PLEKHG4B: variants seen among roughly 807,000 people sequenced by gnomAD.
The protein encoded by PLEKHG4B is pleckstrin homology domain-containing family G member 4B.
PLEKHG4B carries 111 observed loss-of-function variants against 121.3 expected under a neutral mutation model. The observed-to-expected ratio is 0.92, with a 90% CI of 0.78 to 1.07. PLEKHG4B has a LOEUF of 1.07. Among genes scored for constraint, PLEKHG4B ranks in the 50% least tolerant of loss-of-function variants. PLEKHG4B has a pLI of 0.00. For missense variants in PLEKHG4B, 1,831 were observed against 1,757.8 expected, an observed-to-expected ratio of 1.04 and a Z score of -0.74; for synonymous variants, 738 against 725.0, an observed-to-expected ratio of 1.02 and a Z score of -0.29.
intron 12 of PLEKHG4B, 56 bp from the exon 13 acceptor site, chr5:162,665 TG>T: frequency 8.0e-7 from 1 of 1,249,758 alleles, no homozygotes; most frequent in East Asian, 2.9e-5. Context: ...GGGCCTGAGC[TG>T]GCTCCAGGGC....
intron 2 of PLEKHG4B, among the ~76,000 whole-genome samples, chr5:124,292 A>C: frequency 6.6e-6 from 1 of 152,220 alleles, no homozygotes; most frequent in East Asian, 1.9e-4. Flanking sequence ...TCATGTGTGC[A>C]CTTGAGAAGC....
Position 157,082 on chromosome 5 carries a change from AT to A in PLEKHG4B, c.2487+175del. On this transcript the variant is annotated intron_variant, in intron 11 of 19. Coordinates refer to ENST00000637938, the MANE Select transcript of PLEKHG4B (RefSeq NM_052909.5). The surrounding 1 kb of genome is among the most constrained non-coding windows in gnomAD (Gnocchi z 4.6). ...TTGCTGCTTGTGTAAAAAGAAATAA[AT>A]TTTATTTTTTACGTGAGAGATACTG... 1 of 1,036,310 alleles carries A rather than the reference AT, an allele frequency of 9.6e-7. No homozygotes were observed. The highest frequency in any genetic ancestry group is 2.1e-4 in the Middle Eastern group (1 of 4,856). The allele number at this position is 1,036,310 out of a possible 1,614,324, so 64.2% of individuals were successfully genotyped here. A position where few individuals can be genotyped will look rare whatever the true frequency, so the allele number is the denominator to read the frequency against.
chr5:127,378 T>TATTATA (rs1171009312), intron 2 of PLEKHG4B, among the ~76,000 whole-genome samples: 15 of 148,256 alleles, frequency 1.0e-4, no homozygotes, highest in South Asian at 4.2e-4. Context: ...TTATTATTAT[T>TATTATA]ATAGGCTGCC....
At chr5:175,895 C>T (rs1232247054) in intron 18 of PLEKHG4B, among the ~76,000 whole-genome samples, 1 of 51,906 alleles carries the variant, frequency 1.9e-5, no homozygotes. Flanking sequence ...GGCTGCACCC[C>T]GCCTGAGCCC....
intron 2 of PLEKHG4B, among the ~76,000 whole-genome samples, chr5:135,187 CAAAAA>C (rs35601775): frequency 6.2e-5 from 3 of 48,774 alleles, no homozygotes; most frequent in Non-Finnish European, 9.3e-5. Context: ...GACTCCAGCT[CAAAAA>C]AAAAAAAAAA....
intron 1 of PLEKHG4B, among the ~76,000 whole-genome samples, chr5:109,418 AAAATC>A (rs1397963675): frequency 2.7e-5 from 4 of 149,908 alleles, no homozygotes; most frequent in Non-Finnish European, 5.9e-5. Flanking sequence ...AAAAAAAAAA[AAAATC>A]CAGCCAGAGG....
intron 13 of PLEKHG4B, 74 bp from the exon 14 acceptor site, chr5:169,266 T>C (rs1200858354): frequency 3.8e-6 from 6 of 1,571,742 alleles, no homozygotes; most frequent in Non-Finnish European, 4.3e-6. Context: ...TGTGTTTCTG[T>C]CTCAGGCATG....
At chr5:133,021 GA>G (rs1201494480) in intron 2 of PLEKHG4B, among the ~76,000 whole-genome samples, 3 of 152,166 alleles carry the variant, frequency 2.0e-5, no homozygotes, top group Non-Finnish European at 4.4e-5. Flanking sequence ...ACCCATTCGT[GA>G]ACATGGGATG....
intron 18 of PLEKHG4B, among the ~76,000 whole-genome samples, chr5:180,047 G>A (rs1022431444): frequency 1.3e-5 from 2 of 152,118 alleles, no homozygotes; most frequent in African/African-American, 2.4e-5. Context: ...TTATCTCGTG[G>A]ATGTTTAATT....
Position 161,777 on chromosome 5 carries a change from G to A in PLEKHG4B, c.2488-6G>A, listed in dbSNP as rs189213633. The A allele has an allele frequency of 5.3e-5, 86 of 1,613,538 alleles. No individual in the cohort carries two copies. In the African/African-American group the frequency reaches 1.0e-3, roughly 19 times the overall value. On this transcript the variant is annotated splice_polypyrimidine_tract_variant and splice_region_variant and intron_variant, in intron 11 of 19. Transcript: ENST00000637938. The stretch of plus-strand genomic sequence containing the variant: ...CTTGTACTGATGCTTTGTTCCTTGG[G>A]TACAGCAATCCTGCCAGAAAGGACT...
chr5:162,899 C>A lies in PLEKHG4B; in HGVS notation c.2827C>A (p.Leu943Met). 6.5e-7 allele frequency: 1 copy of A among 1,534,154 alleles called. No individual in the cohort carries two copies. Among genetic ancestry groups the A allele is most frequent in the Non-Finnish European group, 8.8e-7 (1 of 1,139,830 alleles). Residue 943 changes from leucine to methionine, a missense_variant, in exon 13 of 20, where the codon CTG becomes ATG. Physicochemically the swap from Leu to Met is conservative, Grantham distance 15. Coordinates refer to ENST00000637938, the MANE Select transcript of PLEKHG4B (RefSeq NM_052909.5). The stretch of plus-strand genomic sequence containing the variant: ...GAAACCGTGGGCATCACAGCAAGAC[C>A]TGTGGCTGCAGTACCCCCAGACCCG... ...LGKPWASQQD[L>M]WLQYPQTRLR...
chr5:125,627 C>A (rs921717895), intron 2 of PLEKHG4B, among the ~76,000 whole-genome samples: 1 of 152,056 alleles, frequency 6.6e-6, no homozygotes, highest in African/African-American at 2.4e-5. Flanking sequence ...ATGTAGAAAA[C>A]AAAAAGGCAG....
Position 147,993 on chromosome 5 carries a change from T to C in PLEKHG4B, c.1905+3073T>C, listed in dbSNP as rs577535139. ...GGGGAAAAACACATGATCATCTCAA[T>C]TGATGCCAAAAAAAAAGCATTTGAC... On this transcript the variant is annotated intron_variant, in intron 6 of 19. Coordinates refer to ENST00000637938, the MANE Select transcript of PLEKHG4B (RefSeq NM_052909.5). 3.0e-3 allele frequency among the ~76,000 whole-genome samples: 452 copies of C among 152,146 alleles called. 2 individuals carry two copies. The highest frequency in any genetic ancestry group is 5.8e-3 in the Non-Finnish European group (391 of 67,984).
In PLEKHG4B at chr5:171,407, A is replaced by G. The variant is rs368490985; in HGVS notation, c.4013A>G (p.Asn1338Ser). The change falls in exon 16 of 20, where the codon AAT (asparagine) becomes AGT (serine). Residue 1338 changes from asparagine to serine, a missense_variant. By Grantham distance (46) the Asn-to-Ser change is conservative. Coordinates refer to ENST00000637938, the MANE Select transcript of PLEKHG4B (RefSeq NM_052909.5). ...GTCTGCTTCCAGCTGCGTCACGGCAATGACCTGCTGGCCATGGACGCCATC... is the reference window on the plus strand; with the variant it reads ...GTCTGCTTCCAGCTGCGTCACGGCAGTGACCTGCTGGCCATGGACGCCATC... Reference protein sequence around the residue: ...VVVCFQLRHGNDLLAMDAIRG... With the variant: ...VVVCFQLRHGSDLLAMDAIRG... 92 of 1,606,318 alleles carry G rather than the reference A, an allele frequency of 5.7e-5. No homozygotes were observed. The highest frequency in any genetic ancestry group is 1.2e-4 in the Admixed American group (7 of 59,944).
chr5:180,244 C>T (rs1369573884), intron 18 of PLEKHG4B, among the ~76,000 whole-genome samples: 2 of 152,134 alleles, frequency 1.3e-5, no homozygotes, highest in Non-Finnish European at 2.9e-5. Context: ...GAATGCACTC[C>T]GGGGAGGGAC....
At chr5:154,391 C>T (rs1263791818) in intron 7 of PLEKHG4B, among the ~76,000 whole-genome samples, 1 of 152,190 alleles carries the variant, frequency 6.6e-6, no homozygotes, top group African/African-American at 2.4e-5. Context: ...CAGCCACTCC[C>T]ACACGCGGGC....
intron 1 of PLEKHG4B, among the ~76,000 whole-genome samples, chr5:95,726 C>T (rs1344217060): frequency 6.6e-6 from 1 of 152,184 alleles, no homozygotes; most frequent in Non-Finnish European, 1.5e-5. Flanking sequence ...AATGACCCTC[C>T]CCTCCAGTGT....
chr5:157,236 A>G lies in PLEKHG4B; in HGVS notation c.2487+325A>G, dbSNP rs1735814908. On this transcript the variant is annotated intron_variant, in intron 11 of 19. Coordinates refer to ENST00000637938, the MANE Select transcript of PLEKHG4B (RefSeq NM_052909.5). The surrounding 1 kb of genome is among the most constrained non-coding windows in gnomAD (Gnocchi z 4.6). ...TCTTCCGGACGCTTTCTCCATGTGC[A>G]TGCGTACACAGTGACTGAGAAGCCG... The G allele has an allele frequency of 2.7e-6, 1 of 373,042 alleles. No individual in the cohort carries two copies. The highest frequency in any genetic ancestry group is 2.2e-5 in the South Asian group (1 of 45,698). The allele number at this position is 373,042 out of a possible 1,614,324, so 23.1% of individuals were successfully genotyped here. A position where few individuals can be genotyped will look rare whatever the true frequency, so the allele number is the denominator to read the frequency against.
At chr5:149,380 GA>G (rs35857446) in intron 6 of PLEKHG4B, among the ~76,000 whole-genome samples, 26 of 147,906 alleles carry the variant, frequency 1.8e-4, no homozygotes, top group South Asian at 6.4e-4. Context: ...CTGTCTCTAT[GA>G]AAAAAAAAAA....
Sources: allele counts gnomAD v4.1 joint callset (sites outside exome capture counted in the v4.1 genomes callset), GRCh38; gene constraint gnomAD v4.1.1; non-coding constraint Gnocchi (gnomAD v3.1); transcripts MANE v1.5; gene names NCBI Gene and HGNC (gene_info 2026-07-23, HGNC 2026-07-21).